Variants in CDH15 observed in about 807,000 individuals in gnomAD.
CDH15 encodes cadherin-15.
CDH15 carries 73 observed loss-of-function variants against 69.4 expected under a neutral mutation model. That is an observed-to-expected ratio of 1.05 (90% confidence interval 0.87 to 1.28). The LOEUF is 1.28. Among genes scored for constraint, CDH15 ranks in the 50% most tolerant of loss-of-function variants. CDH15 has a pLI of 0.00. For synonymous variants in CDH15, 624 were observed against 507.7 expected, an observed-to-expected ratio of 1.23 and a Z score of -3.08; for missense variants, 1,343 against 1,133.6, an observed-to-expected ratio of 1.18 and a Z score of -2.65.
intron 5 of CDH15, among the ~76,000 whole-genome samples, chr16:89,186,609 A>T (rs530118150): frequency 7.4e-6 from 1 of 134,510 alleles, no homozygotes; most frequent in Non-Finnish European, 1.6e-5. Flanking sequence ...ACGCTCACCC[A>T]GCGCACAGTA....
intron 1 of CDH15, among the ~76,000 whole-genome samples, chr16:89,176,564 C>T (rs1030013753): frequency 1.3e-5 from 2 of 152,318 alleles, no homozygotes; most frequent in African/African-American, 2.4e-5. Flanking sequence ...ATGTGGGGAG[C>T]TGTTCTAGGT....
At chr16:89,186,490 TAGGTGCTCTGTAAACGCTTACCCAGC>T (rs1915490863) in intron 5 of CDH15, among the ~76,000 whole-genome samples, 2 of 132,656 alleles carry the variant, frequency 1.5e-5, no homozygotes, top group African/African-American at 5.8e-5. Flanking sequence ...CAGCGCACAG[TAGGTGCTCTGTAAACGCTTACCCAGC>T]GCACAGTAGG....
In CDH15 at chr16:89,171,795, G is replaced by A. The variant is rs1466068784; in HGVS notation, c.-37G>A. 3.9e-6 allele frequency: 6 copies of A among 1,542,914 alleles called. No individual in the cohort carries two copies. Among genetic ancestry groups the A allele is most frequent in the Non-Finnish European group, 4.4e-6 (5 of 1,147,426 alleles). On this transcript the variant is annotated 5_prime_UTR_variant, in exon 1 of 14. Transcript: ENST00000289746. ...CAGCCTGGACGCGCTTCTTCGGGTC[G>A]CGGGTGCACTCCGGCCCGGCTCCCG...
chr16:89,188,997 A>G (rs1915569461), intron 7 of CDH15, among the ~76,000 whole-genome samples: 1 of 145,230 alleles, frequency 6.9e-6, no homozygotes, highest in Admixed American at 6.9e-5. Context: ...AGACACCCAC[A>G]CACAGATGCC....
chr16:89,171,946 C>T (rs1915167452), intron 1 of CDH15, 73 bp downstream of exon 1: 1 of 1,430,874 alleles, frequency 7.0e-7, no homozygotes, highest in Non-Finnish European at 9.5e-7. Flanking sequence ...CAACTGCAGC[C>T]GCACAGGTCT....
intron 11 of CDH15, 40 bp downstream of exon 11, chr16:89,192,484 TCGGAC>T: frequency 6.4e-7 from 1 of 1,556,814 alleles, no homozygotes; most frequent in African/African-American, 1.4e-5. Flanking sequence ...CCTCGGACCC[TCGGAC>T]CCTCCTCCCC....
chr16:89,193,361 G>GCTTACCAGC, intron 11 of CDH15, 109 bp from the exon 12 acceptor site: 2 of 464,208 alleles, frequency 4.3e-6, no homozygotes, highest in East Asian at 4.3e-5. Context: ...CCCCACCCCT[G>GCTTACCAGC]CTTACCAGCC....
At chr16:89,192,146 G>C in intron 10 of CDH15, 59 bp from the exon 11 acceptor site, 5 of 1,477,722 alleles carry the variant, frequency 3.4e-6, no homozygotes, top group Non-Finnish European at 4.5e-6. Context: ...GCGCGAGGAG[G>C]GCAGGCGAAG....
Position 89,188,115 on chromosome 16 carries a change from A to T in CDH15, c.808A>T (p.Ile270Leu). The change falls in exon 7 of 14, where the codon ATA becomes TTA. Residue 270 changes from isoleucine (I) to leucine (L), a missense_variant. Ile to Leu is a conservative substitution (Grantham distance 5, BLOSUM62 2). Transcript: ENST00000289746. ...CCCCACCCAGTTCTTCATGGAGGCC[A>T]TAGAGGCCGTCAGCGGAGTGGATGT... ...FTRDEFFMEA[I>L]EAVSGVDVGR... The T allele has an allele frequency of 6.2e-7, 1 of 1,612,166 alleles. No individual in the cohort carries two copies. The highest frequency in any genetic ancestry group is 2.2e-5 in the East Asian group (1 of 44,816).
Position 89,171,888 on chromosome 16 carries a change from C to G in CDH15, c.42+15C>G. On this transcript the variant is annotated intron_variant, in intron 1 of 13. Coordinates refer to ENST00000289746, the MANE Select transcript of CDH15 (RefSeq NM_004933.3). The stretch of plus-strand genomic sequence containing the variant: ...TGTTGGCCCAGGTAAGGCATCGGCA[C>G]CTGCGGGGGTCCCCGCTGCCTCCCT... The G allele has an allele frequency of 1.9e-6, 3 of 1,551,610 alleles. No individual in the cohort carries two copies. Among genetic ancestry groups the G allele is most frequent in the Non-Finnish European group, 2.6e-6 (3 of 1,151,670 alleles).
At chr16:89,181,763 C>A (rs1597304642) in intron 3 of CDH15, among the ~76,000 whole-genome samples, 1 of 151,954 alleles carries the variant, frequency 6.6e-6, no homozygotes, top group African/African-American at 2.4e-5. Context: ...CATGGTGAAA[C>A]CCCGTCTCTA....
At chr16:89,184,187 GC>G (rs764139313) in intron 4 of CDH15, among the ~76,000 whole-genome samples, 9 of 152,178 alleles carry the variant, frequency 5.9e-5, no homozygotes, top group Non-Finnish European at 1.2e-4. Context: ...GCCAGGCCTG[GC>G]CCAGGCTCAG....
intron 7 of CDH15, among the ~76,000 whole-genome samples, chr16:89,188,889 C>A (rs1915565514): frequency 6.7e-6 from 1 of 149,460 alleles, no homozygotes. Flanking sequence ...TGCCAGCACA[C>A]ACAGATGCCC....
At chr16:89,192,160 G>A (rs1160315619) in intron 10 of CDH15, 45 bp from the exon 11 acceptor site, 1 of 1,486,420 alleles carries the variant, frequency 6.7e-7, no homozygotes, top group Non-Finnish European at 8.9e-7. Context: ...GGCGAAGTGG[G>A]GGCGGCCTCG....
rs769744013 is a variant in CDH15, at chr16:89,193,543, C to G, written c.1929C>G (p.Pro643=). 14 of 1,611,614 alleles carry G rather than the reference C, an allele frequency of 8.7e-6. No homozygotes were observed. In the African/African-American group the frequency reaches 1.5e-4, roughly 17 times the overall value. The change falls in exon 12 of 14, where the codon CCC becomes CCG. Residue 643 remains proline, a synonymous_variant. Transcript: ENST00000289746. ...QSRGKGLLHG[P]QDDLRDNVLN... is the part of the protein sequence containing the mutation. ...GGGGCAAGGGGCTGCTGCACGGCCC[C>G]CAGGACGACCTTCGAGACAATGTCC... is the stretch of plus-strand genomic sequence containing the variant.
At chr16:89,183,482 T>C in intron 3 of CDH15, 66 bp from the exon 4 acceptor site, 1 of 1,584,762 alleles carries the variant, frequency 6.3e-7, no homozygotes, top group Non-Finnish European at 8.7e-7. Flanking sequence ...CTCTTTCGCA[T>C]GGCCCTAACG....
chr16:89,191,727 T>C lies in CDH15; in HGVS notation c.1448T>C (p.Leu483Pro). 6.2e-7 allele frequency: 1 copy of C among 1,603,424 alleles called. No homozygotes were observed. Residue 483 changes from leucine to proline, a missense_variant, in exon 10 of 14, where the codon CTG becomes CCG. Coordinates refer to ENST00000289746, the MANE Select transcript of CDH15 (RefSeq NM_004933.3). The stretch of plus-strand genomic sequence containing the variant: ...GAGGTGAACGACCATGCACCTGTGC[T>C]GGCCCCGCCGCCGCCGGGCAGCCTG... The part of the protein sequence containing the change: ...ILEVNDHAPV[L>P]APPPPGSLCS...
intron 3 of CDH15, chr16:89,182,649 A>T (rs1258021870): frequency 6.6e-6 from 1 of 151,224 alleles, no homozygotes; most frequent in Non-Finnish European, 1.5e-5. Flanking sequence ...CTCAAAAGGT[A>T]AAAAAAAAGA....
chr16:89,192,167 C>T lies in CDH15; in HGVS notation c.1616-38C>T, dbSNP rs763503829. On this transcript the variant is annotated intron_variant, in intron 10 of 13. Coordinates refer to ENST00000289746, the MANE Select transcript of CDH15 (RefSeq NM_004933.3). Reference sequence around the variant, plus strand: ...GGAGGGCAGGCGAAGTGGGGGCGGCCTCGGGAGGCCCTCGCTCACCACAGG... The same window carrying T: ...GGAGGGCAGGCGAAGTGGGGGCGGCTTCGGGAGGCCCTCGCTCACCACAGG... 1.1e-5 allele frequency: 16 copies of T among 1,497,536 alleles called. No homozygotes were observed. The Admixed American group carries it at 2.4e-4, about 23-fold the overall frequency. 92.8% of individuals were successfully genotyped at this position (1,497,536 alleles called of 1,614,324 possible).
Sources: gnomAD v4.1 joint callset for allele counts (sites outside exome capture counted in the v4.1 genomes callset) on GRCh38, gnomAD v4.1.1 for gene constraint, MANE v1.5 for transcripts, NCBI Gene and HGNC (gene_info 2026-07-23, HGNC 2026-07-21) for gene names.